The following DIAPH3 variants were observed in gnomAD, a reference collection of about 807,000 sequenced individuals.
DIAPH3 encodes protein diaphanous homolog 3.
DIAPH3 carries 117 observed loss-of-function variants against 144.3 expected under a neutral mutation model. That is an observed-to-expected ratio of 0.81 (90% CI 0.70 to 0.95). The LOEUF (loss-of-function observed/expected upper bound fraction) is 0.95. Among genes scored for constraint, DIAPH3 ranks in the 40% least tolerant of loss-of-function variants. DIAPH3 has a pLI of 0.00. For missense variants in DIAPH3, 1,421 were observed against 1,412.7 expected (o/e 1.01, Z -0.09); for synonymous variants, 519 against 488.9 (o/e 1.06, Z -0.81).
At chr13:59,902,026 G>A (rs1017430934) in intron 20 of DIAPH3, among the ~76,000 whole-genome samples, 1 of 152,162 alleles carries the variant, frequency 6.6e-6, no homozygotes, top group Non-Finnish European at 1.5e-5. Flanking sequence ...AGCAGTAAAA[G>A]CAATGTTAAG....
intron 12 of DIAPH3, among the ~76,000 whole-genome samples, chr13:59,990,611 T>G (rs549687096): frequency 6.6e-6 from 1 of 152,044 alleles, no homozygotes; most frequent in South Asian, 2.1e-4. Flanking sequence ...AGTTAGGCAC[T>G]AATCTCCATA....
At chr13:59,768,247 G>T (rs2037950968) in intron 27 of DIAPH3, among the ~76,000 whole-genome samples, 1 of 152,018 alleles carries the variant, frequency 6.6e-6, no homozygotes, top group African/African-American at 2.4e-5. Context: ...TAGGTTATTT[G>T]TCAGGCATGA....
chr13:59,903,793 TC>T (rs2046582115), intron 20 of DIAPH3, among the ~76,000 whole-genome samples: 1 of 152,210 alleles, frequency 6.6e-6, no homozygotes, highest in Non-Finnish European at 1.5e-5. Flanking sequence ...CTATACTTTT[TC>T]CATCCTTTCT....
chr13:59,994,585 A>C (rs1203216366), intron 9 of DIAPH3, among the ~76,000 whole-genome samples: 1 of 151,962 alleles, frequency 6.6e-6, no homozygotes, highest in Non-Finnish European at 1.5e-5. Flanking sequence ...TGTTTGGTAA[A>C]TAATGGGAAT....
intron 4 of DIAPH3, among the ~76,000 whole-genome samples, chr13:60,078,613 C>T (rs750676381): frequency 9.9e-5 from 15 of 151,824 alleles, no homozygotes; most frequent in Non-Finnish European, 1.8e-4. Context: ...TGTCATGAAT[C>T]TAACATACCT....
intron 3 of DIAPH3, among the ~76,000 whole-genome samples, chr13:60,096,451 T>C (rs1236211745): frequency 6.6e-6 from 1 of 152,192 alleles, no homozygotes; most frequent in Non-Finnish European, 1.5e-5. Flanking sequence ...TTGTGATTGT[T>C]ATTTTTGGGG....
At chr13:59,714,144 A>C (rs577022287) in intron 27 of DIAPH3, among the ~76,000 whole-genome samples, 1 of 151,968 alleles carries the variant, frequency 6.6e-6, no homozygotes, top group African/African-American at 2.4e-5. Context: ...GCGGATCACG[A>C]GGTCAGGAGA....
At chr13:59,988,378 A>G (rs905995448) in intron 12 of DIAPH3, among the ~76,000 whole-genome samples, 3 of 151,884 alleles carry the variant, frequency 2.0e-5, no homozygotes, top group Non-Finnish European at 1.5e-5. Flanking sequence ...ACATTATTCT[A>G]ATGTTTTTAA....
intron 27 of DIAPH3, among the ~76,000 whole-genome samples, chr13:59,676,205 A>C (rs2032640015): frequency 2.6e-5 from 4 of 152,250 alleles, no homozygotes; most frequent in African/African-American, 9.6e-5. Flanking sequence ...AATTACATTT[A>C]GTTAGCATCC....
intron 5 of DIAPH3, among the ~76,000 whole-genome samples, chr13:60,030,702 C>G (rs542670659): frequency 8.5e-5 from 13 of 152,242 alleles, no homozygotes; most frequent in Non-Finnish European, 1.5e-5. Flanking sequence ...AAAACAAGTG[C>G]ACAAGAAATG....
intron 25 of DIAPH3, among the ~76,000 whole-genome samples, chr13:59,796,637 C>T (rs565660984): frequency 6.6e-6 from 1 of 152,286 alleles, no homozygotes; most frequent in Non-Finnish European, 1.5e-5. Context: ...CCTAACTTCA[C>T]CATATCAGTA....
intron 27 of DIAPH3, among the ~76,000 whole-genome samples, chr13:59,770,271 T>C (rs1324490123): frequency 6.6e-6 from 1 of 152,182 alleles, no homozygotes; most frequent in African/African-American, 2.4e-5. Flanking sequence ...TACTCCTTAA[T>C]ATGTATTAAC....
intron 27 of DIAPH3, among the ~76,000 whole-genome samples, chr13:59,746,972 G>A (rs2036736211): frequency 6.6e-6 from 1 of 152,092 alleles, no homozygotes. Context: ...AAATCATAAT[G>A]AGATGCAAAA....
intron 24 of DIAPH3, among the ~76,000 whole-genome samples, chr13:59,824,728 A>G (rs951952717): frequency 3.9e-5 from 6 of 152,182 alleles, no homozygotes; most frequent in African/African-American, 9.6e-5. Context: ...GAGAACACCA[A>G]TATAATGCTT....
intron 17 of DIAPH3, among the ~76,000 whole-genome samples, chr13:59,960,252 C>T (rs2049670568): frequency 6.6e-6 from 1 of 152,108 alleles, no homozygotes; most frequent in African/African-American, 2.4e-5. Flanking sequence ...AAACTAAAGA[C>T]ATTTCTTTAT....
intron 27 of DIAPH3, among the ~76,000 whole-genome samples, chr13:59,680,906 C>A (rs989756317): frequency 6.6e-6 from 1 of 152,062 alleles, no homozygotes; most frequent in Admixed American, 6.5e-5. Flanking sequence ...TCTCATGATA[C>A]GAAAAGACCG....
chr13:60,142,077 G>C (rs566175776), intron 1 of DIAPH3, among the ~76,000 whole-genome samples: 29 of 152,338 alleles, frequency 1.9e-4, no homozygotes, highest in African/African-American at 5.5e-4. Context: ...CAGTGAGAGG[G>C]AAGGAGGAGG....
At chr13:59,939,835 C>CATGTGTGTGT (rs372542813) in intron 17 of DIAPH3, among the ~76,000 whole-genome samples, 1 of 146,652 alleles carries the variant, frequency 6.8e-6, no homozygotes, top group Non-Finnish European at 1.5e-5. Flanking sequence ...GAGAATGAGG[C>CATGTGTGTGT]GTGTGTGTGT....
intron 27 of DIAPH3, among the ~76,000 whole-genome samples, chr13:59,705,022 G>A (rs1018258352): frequency 6.6e-6 from 1 of 152,112 alleles, no homozygotes; most frequent in Non-Finnish European, 1.5e-5. Context: ...GAATGAAAGT[G>A]ATTATTAAAT....
Sources: gnomAD v4.1 joint callset for allele counts (sites outside exome capture counted in the v4.1 genomes callset) on GRCh38, gnomAD v4.1.1 for gene constraint, MANE v1.5 for transcripts, NCBI Gene and HGNC (gene_info 2026-07-23, HGNC 2026-07-21) for gene names.